KIF1B: variants seen among roughly 807,000 people sequenced by gnomAD.
KIF1B encodes the protein kinesin-like protein KIF1B.
Under a neutral mutation model 241.9 loss-of-function variants are expected in KIF1B, and 76 were observed. That is an observed-to-expected ratio of 0.31 (90% CI 0.26 to 0.38). KIF1B has a LOEUF of 0.38. Ranked by LOEUF, KIF1B falls within the 10% of genes least tolerant of loss-of-function variation. The pLI, the probability that KIF1B is intolerant of heterozygous loss-of-function variation, is 1.00. For missense variants in KIF1B, 1,622 were observed against 2,271.4 expected, an observed-to-expected ratio of 0.71 and a Z score of 5.81; for synonymous variants, 750 against 796.7, an observed-to-expected ratio of 0.94 and a Z score of 0.99.
At chr1:10,237,232 A>G (rs1571116282) in intron 2 of KIF1B, among the ~76,000 whole-genome samples, 1 of 152,306 alleles carries the variant, frequency 6.6e-6, no homozygotes, top group African/African-American at 2.4e-5. Flanking sequence ...ATCCCATTAT[A>G]TTCCAAGGTT....
At chr1:10,314,493 C>G (rs1347217734) in intron 22 of KIF1B, among the ~76,000 whole-genome samples, 1 of 151,382 alleles carries the variant, frequency 6.6e-6, no homozygotes, top group Non-Finnish European at 1.5e-5. Flanking sequence ...AGTCTTGGCT[C>G]ACTGCAACCT....
At chr1:10,213,194 G>T (rs966076521) in intron 1 of KIF1B, among the ~76,000 whole-genome samples, 1 of 151,884 alleles carries the variant, frequency 6.6e-6, no homozygotes, top group South Asian at 2.1e-4. Context: ...GAATATTTTT[G>T]ATTAAAAATA....
intron 1 of KIF1B, among the ~76,000 whole-genome samples, chr1:10,212,884 G>A (rs1160666999): frequency 1.4e-5 from 1 of 72,310 alleles, no homozygotes; most frequent in African/African-American, 5.6e-5. Context: ...GTGTGCATGC[G>A]TGTGTGTATA....
chr1:10,276,760 C>T (rs1176044617), intron 12 of KIF1B, among the ~76,000 whole-genome samples: 2 of 152,096 alleles, frequency 1.3e-5, no homozygotes, highest in Non-Finnish European at 2.9e-5. Context: ...GAAGTGTCCC[C>T]CTTCTTGTAG....
chr1:10,300,184 C>G (rs997028384), intron 22 of KIF1B, among the ~76,000 whole-genome samples: 1 of 150,278 alleles, frequency 6.7e-6, no homozygotes, highest in Admixed American at 6.7e-5. Flanking sequence ...TTGCAGTGAG[C>G]CAAGATCGCG....
chr1:10,245,486 GT>G (rs1450537148), intron 2 of KIF1B, among the ~76,000 whole-genome samples: 1 of 152,086 alleles, frequency 6.6e-6, no homozygotes, highest in Admixed American at 6.6e-5. Context: ...CTCTCCTAAG[GT>G]TAGTGTTGGC....
intron 31 of KIF1B, among the ~76,000 whole-genome samples, chr1:10,338,555 G>T (rs963383035): frequency 3.3e-5 from 5 of 152,176 alleles, no homozygotes; most frequent in African/African-American, 1.2e-4. Context: ...TTCTAATCAG[G>T]CAACTGATAC....
At chr1:10,237,646 G>T (rs771859309) in intron 2 of KIF1B, among the ~76,000 whole-genome samples, 1 of 151,484 alleles carries the variant, frequency 6.6e-6, no homozygotes, top group Non-Finnish European at 1.5e-5. Flanking sequence ...TTTCATTCAC[G>T]CATACATTTC....
chr1:10,374,273 A>G lies in KIF1B; in HGVS notation c.4947-43A>G. ...ACTCAGTATGCCTTGATTGTAACTG[A>G]TTCTCTTGTTACCCTTTTCTTTCTA... On this transcript the variant is annotated intron_variant, in intron 45 of 48. Transcript: ENST00000676179. This position sits in a 1 kb window ranked among gnomAD's most constrained non-coding sequence, Gnocchi z 4.3. 2 of 1,597,440 alleles carry G rather than the reference A, an allele frequency of 1.3e-6. No individual in the cohort carries two copies. The highest frequency in any genetic ancestry group is 1.1e-5 in the South Asian group (1 of 90,710).
At chr1:10,313,764 A>T (rs1193356593) in intron 22 of KIF1B, among the ~76,000 whole-genome samples, 1 of 150,510 alleles carries the variant, frequency 6.6e-6, no homozygotes, top group Non-Finnish European at 1.5e-5. Context: ...GTTAGCCAGG[A>T]TGGTCTTGAT....
intron 22 of KIF1B, chr1:10,308,168 G>C: frequency 9.4e-7 from 1 of 1,061,980 alleles, no homozygotes; most frequent in East Asian, 5.1e-5. Context: ...TTAATGATTT[G>C]TACAAATGAC....
chr1:10,336,635 C>G, intron 28 of KIF1B, 22 bp from the exon 29 acceptor site: 2 of 1,602,320 alleles, frequency 1.2e-6, no homozygotes, highest in Non-Finnish European at 1.7e-6. Context: ...TCAATTCTTG[C>G]TAATTTTTTT....
chr1:10,312,544 T>A (rs1269740374), intron 22 of KIF1B, among the ~76,000 whole-genome samples: 1 of 151,604 alleles, frequency 6.6e-6, no homozygotes, highest in Admixed American at 6.6e-5. Context: ...ATTTGCTACC[T>A]GATTACATCT....
intron 2 of KIF1B, among the ~76,000 whole-genome samples, chr1:10,248,289 TC>T (rs1647269851): frequency 6.6e-6 from 1 of 151,936 alleles, no homozygotes; most frequent in East Asian, 1.9e-4. Flanking sequence ...AGCTTCAACT[TC>T]CTGGGTGCAA....
chr1:10,326,312 G>C lies in KIF1B; in HGVS notation c.2877G>C (p.Gly959=), dbSNP rs1411191456. The change falls in exon 27 of 49, where the codon GGG becomes GGC. Residue 959 remains glycine, a synonymous_variant. Coordinates refer to ENST00000676179, the MANE Select transcript of KIF1B (RefSeq NM_001365951.3). This position sits in a 1 kb window ranked among gnomAD's most constrained non-coding sequence, Gnocchi z 5.2. The part of the protein sequence containing the change: ...TEEGSDLFSD[G]HDPFYDRSPW... ...AGGGATCAGATCTCTTCAGTGACGG[G>C]CATGACCCGTTTTACGACCGATCCC... The C allele has an allele frequency of 1.9e-6, 3 of 1,614,178 alleles. No individual in the cohort carries two copies. Among genetic ancestry groups the C allele is most frequent in the South Asian group, 2.2e-5 (2 of 91,084 alleles).
Position 10,326,116 on chromosome 1 carries a change from C to G in KIF1B, c.2681C>G (p.Pro894Arg), listed in dbSNP as rs767893182. 7 of 1,613,980 alleles carry G rather than the reference C, an allele frequency of 4.3e-6. No homozygotes were observed. Among genetic ancestry groups the G allele is most frequent in the African/African-American group, 1.3e-5 (1 of 74,922 alleles). ...FHWFKLVGSSPIFHGCVNERL... is the reference protein window; with the variant it reads ...FHWFKLVGSSRIFHGCVNERL... ...GCGTCTTACCTGGTGTCTAGCTCCC[C>G]CATTTTCCACGGCTGTGTGAACGAG... The change falls in exon 27 of 49, where the codon CCC (proline) becomes CGC (arginine). Residue 894 changes from proline to arginine, a missense_variant. Pro to Arg is a moderately radical substitution (Grantham distance 103). Transcript: ENST00000676179. This position sits in a 1 kb window ranked among gnomAD's most constrained non-coding sequence, Gnocchi z 5.2.
chr1:10,380,728 A>C lies in KIF1B; in HGVS notation c.*4141A>C, dbSNP rs1320996991. 4.7e-6 allele frequency: 1 copy of C among 212,702 alleles called. No individual in the cohort carries two copies. The highest frequency in any genetic ancestry group is 2.3e-5 in the African/African-American group (1 of 44,152). The allele number at this position is 212,702 out of a possible 1,614,324, so 13.2% of individuals were successfully genotyped here. The stretch of plus-strand genomic sequence containing the variant: ...CTCAAAAAAAAAGAAAAGATTCATG[A>C]TGCTGCTGCTCCCAGAAGGTTTGCT... On this transcript the variant is annotated 3_prime_UTR_variant, in exon 49 of 49. Transcript: ENST00000676179.
At chr1:10,259,775 C>T (rs1364991422) in intron 4 of KIF1B, among the ~76,000 whole-genome samples, 5 of 151,798 alleles carry the variant, frequency 3.3e-5, no homozygotes, top group African/African-American at 1.2e-4. Flanking sequence ...GCAGGGATTG[C>T]AGGCATGAGT....
intron 6 of KIF1B, 141 bp from the exon 7 acceptor site, chr1:10,268,011 T>C: frequency 1.4e-6 from 1 of 713,962 alleles, no homozygotes; most frequent in South Asian, 1.5e-5. Context: ...AGAGCAATTG[T>C]GTAAGTGACA....
Sources: gnomAD v4.1 joint callset for allele counts (sites outside exome capture counted in the v4.1 genomes callset) on GRCh38, gnomAD v4.1.1 for gene constraint, Gnocchi (gnomAD v3.1) non-coding constraint, MANE v1.5 for transcripts, NCBI Gene and HGNC (gene_info 2026-07-23, HGNC 2026-07-21) for gene names.